Variants in AFF1 observed in about 807,000 individuals in gnomAD.
AFF1 encodes the protein ALF transcription elongation factor 1.
A neutral mutation model predicts 121.7 loss-of-function variants in AFF1; 48 were observed. That is an observed-to-expected ratio of 0.39 (90% CI 0.31 to 0.50). The LOEUF (loss-of-function observed/expected upper bound fraction) is 0.50, where lower values mean the gene tolerates loss of function less well. AFF1 is among the 20% of genes least tolerant of loss of function. The pLI, the probability that AFF1 is intolerant of heterozygous loss-of-function variation, is 0.76. For missense variants in AFF1, 1,523 were observed against 1,511.7 expected, an observed-to-expected ratio of 1.01 and a Z score of -0.12; for synonymous variants, 613 against 563.0, an observed-to-expected ratio of 1.09 and a Z score of -1.26.
intron 2 of AFF1, among the ~76,000 whole-genome samples, chr4:86,965,423 T>TAC: frequency 6.6e-6 from 1 of 152,342 alleles, no homozygotes; most frequent in Admixed American, 6.5e-5. Flanking sequence ...GTTCAGTTTC[T>TAC]ACACACACTT....
Position 87,131,066 on chromosome 4 carries a change from A to T in AFF1, c.2965-17A>T, listed in dbSNP as rs1728781641. ...GTTTGTCTTCAGCCTAACAATGACCATGTTCTTCTCCTGCAGACGGACAGG... is the reference window on the plus strand; with the variant it reads ...GTTTGTCTTCAGCCTAACAATGACCTTGTTCTTCTCCTGCAGACGGACAGG... On this transcript the variant is annotated splice_polypyrimidine_tract_variant and intron_variant, in intron 16 of 20. Coordinates refer to ENST00000395146, the MANE Select transcript of AFF1 (RefSeq NM_001166693.3). The T allele has an allele frequency of 6.2e-7, 1 of 1,613,156 alleles. No homozygotes were observed. Among genetic ancestry groups the T allele is most frequent in the Admixed American group, 1.7e-5 (1 of 59,778 alleles).
chr4:86,943,617 A>G (rs908857969), intron 1 of AFF1, among the ~76,000 whole-genome samples: 6 of 152,114 alleles, frequency 3.9e-5, no homozygotes, highest in Non-Finnish European at 7.4e-5. Flanking sequence ...TGATACCAGC[A>G]TTTTCGGGAC....
rs926834653 is a variant in AFF1, at chr4:87,104,298, G to A, written c.1284-1330G>A. Among the ~76,000 whole-genome samples the A allele has an allele frequency of 6.6e-5, 10 of 152,248 alleles. No individual in the cohort carries two copies. In the East Asian group the frequency reaches 1.3e-3, roughly 21 times the overall value. On this transcript the variant is annotated intron_variant, in intron 8 of 20. Coordinates refer to ENST00000395146, the MANE Select transcript of AFF1 (RefSeq NM_001166693.3). ...CCTGTGCCTGTAGTCCCAACTATTC[G>A]GGAGGCTGAGGCAAGAGGATTGCCT...
At chr4:86,953,339 T>G (rs1721508930) in intron 2 of AFF1, among the ~76,000 whole-genome samples, 1 of 152,224 alleles carries the variant, frequency 6.6e-6, no homozygotes, top group South Asian at 2.1e-4. Context: ...AAAAAAACAT[T>G]AAATTCATGT....
chr4:86,947,063 G>T (rs1019343082), intron 1 of AFF1, among the ~76,000 whole-genome samples: 5 of 152,184 alleles, frequency 3.3e-5, no homozygotes, highest in Non-Finnish European at 7.3e-5. Flanking sequence ...AAAGGCAGGG[G>T]TAGAGCTAGC....
chr4:87,006,831 A>C (rs867314312), intron 2 of AFF1, among the ~76,000 whole-genome samples: 3 of 152,194 alleles, frequency 2.0e-5, no homozygotes, highest in African/African-American at 7.2e-5. Context: ...GTCGGCGCCC[A>C]GGCTCTGCCC....
chr4:87,136,295 ATTG>A lies in AFF1; in HGVS notation c.*599_*601del, dbSNP rs1428938343. On this transcript the variant is annotated 3_prime_UTR_variant, in exon 21 of 21. Transcript: ENST00000395146. ...GAACAGTGGCTTGATAATACCAAGT[ATTG>A]TTGTAATTTATAAAATTGAAGGCAA... 1.3e-5 allele frequency: 3 copies of A among 231,844 alleles called. No individual in the cohort carries two copies. The highest frequency in any genetic ancestry group is 5.6e-5 in the Admixed American group (1 of 17,726). 14.4% of individuals were successfully genotyped at this position (231,844 alleles called of 1,614,324 possible).
At chr4:87,008,815 CTACTG>C (rs1200855827) in intron 2 of AFF1, among the ~76,000 whole-genome samples, 1 of 152,136 alleles carries the variant, frequency 6.6e-6, no homozygotes, top group African/African-American at 2.4e-5. Flanking sequence ...AAGAAAAACA[CTACTG>C]TACCATTGAT....
intron 16 of AFF1, among the ~76,000 whole-genome samples, 180 bp from the exon 17 acceptor site, chr4:87,130,903 G>A (rs1728767181): frequency 6.6e-6 from 1 of 152,182 alleles, no homozygotes; most frequent in Non-Finnish European, 1.5e-5. Flanking sequence ...TGCTAAAATA[G>A]TTTTCAGCAG....
At position 87,048,918 on chromosome 4, in the gene AFF1, G is replaced by C. The variant is rs545755624; in HGVS notation, c.1059+1324G>C. ...AGCCATTTATTGAACATTTTGTGCT[G>C]TGATGGAGGTAGGGGTAGGCAGCTG... On this transcript the variant is annotated intron_variant, in intron 4 of 20. Coordinates refer to ENST00000395146, the MANE Select transcript of AFF1 (RefSeq NM_001166693.3). Among the ~76,000 whole-genome samples, 8 of 152,122 alleles carry C rather than the reference G, an allele frequency of 5.3e-5. No individual in the cohort carries two copies. In the East Asian group the frequency reaches 1.3e-3, roughly 26 times the overall value.
intron 2 of AFF1, among the ~76,000 whole-genome samples, chr4:86,980,682 C>A (rs979537899): frequency 2.0e-5 from 3 of 152,102 alleles, no homozygotes; most frequent in African/African-American, 4.8e-5. Flanking sequence ...AATGTGCATT[C>A]ATTTGCTTAT....
chr4:86,954,197 C>T (rs191277655), intron 2 of AFF1, among the ~76,000 whole-genome samples: 110 of 152,242 alleles, frequency 7.2e-4, no homozygotes, highest in Middle Eastern at 6.8e-3. Context: ...GCATATACTC[C>T]TTTATAAAGT....
intron 2 of AFF1, among the ~76,000 whole-genome samples, chr4:86,993,660 ATT>A (rs373864956): frequency 1.1e-4 from 17 of 152,238 alleles, no homozygotes; most frequent in African/African-American, 3.6e-4. Context: ...TCACCTTTGA[ATT>A]TTGTTAAAAT....
intron 12 of AFF1, among the ~76,000 whole-genome samples, chr4:87,122,576 T>G: frequency 6.6e-6 from 1 of 152,208 alleles, no homozygotes; most frequent in East Asian, 1.9e-4. Context: ...GGTTTAGAAC[T>G]CGGTTGCTTA....
chr4:87,036,805 A>T (rs775420279), intron 2 of AFF1: 5 of 514,786 alleles, frequency 9.7e-6, no homozygotes, highest in African/African-American at 9.7e-5. Context: ...GGCAGCAAGT[A>T]TCTGCTTTTT....
At position 87,132,348 on chromosome 4, in the gene AFF1, TTAA is replaced by T; in HGVS notation, c.3255_3257del (p.Asn1085del). The T allele has an allele frequency of 6.2e-7, 1 of 1,613,384 alleles. No individual in the cohort carries two copies. The highest frequency in any genetic ancestry group is 8.5e-7 in the Non-Finnish European group (1 of 1,179,792). On this transcript the variant is annotated inframe_deletion, in exon 19 of 21. Transcript: ENST00000395146. ...ATAGCAATAAAGTATTCTCGTACTC[TTAA>T]TAAACACTTCGAGAGTTCTTCCAAA...
At chr4:87,132,000 C>T (rs1260922018) in intron 18 of AFF1, 136 bp downstream of exon 18, 25 of 823,246 alleles carry the variant, frequency 3.0e-5, no homozygotes, top group Non-Finnish European at 3.9e-5. Context: ...AAGGTTAATC[C>T]CTCACTGATA....
chr4:87,051,004 T>C (rs902403249), intron 4 of AFF1, among the ~76,000 whole-genome samples: 1 of 152,178 alleles, frequency 6.6e-6, no homozygotes, highest in African/African-American at 2.4e-5. Flanking sequence ...TAGACACAGG[T>C]TTCAGATAAA....
In AFF1 at chr4:87,119,064, T is replaced by C. The variant is rs1420670451; in HGVS notation, c.2466+3765T>C. Among the ~76,000 whole-genome samples the C allele has an allele frequency of 5.3e-5, 8 of 152,240 alleles. 1 individual carries two copies. The highest frequency in any genetic ancestry group is 1.9e-4 in the African/African-American group (8 of 41,540). On this transcript the variant is annotated intron_variant, in intron 12 of 20. Transcript: ENST00000395146. ...CAGAAAAAGGAGGGGTTATATCTTA[T>C]ATCCAGTCAGGGTGGGTGGGCCTTA...
Sources: allele counts gnomAD v4.1 joint callset (sites outside exome capture counted in the v4.1 genomes callset), GRCh38; gene constraint gnomAD v4.1.1; transcripts MANE v1.5; gene names NCBI Gene and HGNC (gene_info 2026-07-23, HGNC 2026-07-21).